Variants in PGAP4 observed in about 807,000 individuals in gnomAD.
PGAP4 encodes post-GPI attachment to proteins GalNAc transferase 4, also known as GPI-N-acetylgalactosamine transferase PGAP4.
Under a neutral mutation model 28.2 loss-of-function variants are expected in PGAP4, and 12 were observed. The ratio of observed to expected loss-of-function variants is 0.42; its 90% CI spans 0.27 to 0.69. The LOEUF (loss-of-function observed/expected upper bound fraction) is 0.69, where lower values mean the gene tolerates loss of function less well. PGAP4 is among the 30% of genes least tolerant of loss of function. The pLI, the probability that PGAP4 is intolerant of heterozygous loss-of-function variation, is 0.22. For missense variants in PGAP4, 425 were observed against 513.5 expected, an observed-to-expected ratio of 0.83 and a Z score of 1.67; for synonymous variants, 205 against 211.8, an observed-to-expected ratio of 0.97 and a Z score of 0.28.
At chr9:101,491,631 T>C (rs369712018), upstream of PGAP4, among the ~76,000 whole-genome samples, 1 of 151,872 alleles carries the variant, frequency 6.6e-6, no homozygotes, top group African/African-American at 2.4e-5. Flanking sequence ...TCTTTATGCA[T>C]GTTATTCAGA....
chr9:101,504,768 G>A (rs1014483379), intron 2 of PGAP4, among the ~76,000 whole-genome samples: 2 of 152,020 alleles, frequency 1.3e-5, no homozygotes, highest in African/African-American at 2.4e-5. Context: ...CAGAAATTTG[G>A]GTTTCCTTCC....
chr9:101,526,680 G>C (rs540919019), intron 2 of PGAP4, among the ~76,000 whole-genome samples: 14 of 152,174 alleles, frequency 9.2e-5, no homozygotes, highest in African/African-American at 3.4e-4. Flanking sequence ...AACTCCTGAC[G>C]TCAGGTGATC....
At chr9:101,495,705 T>G (rs554724063) in intron 2 of PGAP4, among the ~76,000 whole-genome samples, 13 of 150,414 alleles carry the variant, frequency 8.6e-5, no homozygotes, top group African/African-American at 3.1e-4. Flanking sequence ...AAAGGGTTAT[T>G]TTTTTTACAT....
exon 1 of PGAP4, chr9:101,533,364 G>A (rs1827127933): frequency 6.6e-6 from 1 of 152,184 alleles, no homozygotes; most frequent in South Asian, 2.1e-4. Flanking sequence ...CCCTGTGCGG[G>A]GGAAAAAATC....
chr9:101,512,273 C>T (rs145108801), intron 2 of PGAP4, among the ~76,000 whole-genome samples: 4 of 152,208 alleles, frequency 2.6e-5, no homozygotes, highest in East Asian at 1.9e-4. Flanking sequence ...CCGCCCTGCC[C>T]GTCCCAAAGG....
At chr9:101,495,484 G>T (rs1336139946) in intron 2 of PGAP4, among the ~76,000 whole-genome samples, 49 of 78,904 alleles carry the variant, frequency 6.2e-4, no homozygotes, top group African/African-American at 2.4e-3. Context: ...AATATATATA[G>T]GCTTTCTGTG....
intron 2 of PGAP4, among the ~76,000 whole-genome samples, chr9:101,498,939 A>G (rs1036475289): frequency 3.9e-5 from 6 of 152,124 alleles, no homozygotes; most frequent in African/African-American, 1.4e-4. Flanking sequence ...GTCAAACGTA[A>G]TCAAAAGAAA....
At chr9:101,479,142 C>T (rs1466181270) in intron 1 of PGAP4, among the ~76,000 whole-genome samples, 3 of 152,208 alleles carry the variant, frequency 2.0e-5, no homozygotes, top group African/African-American at 4.8e-5. Context: ...GAACATCCAG[C>T]ATATTGCAGA....
chr9:101,482,491 T>C (rs1826517104), intron 1 of PGAP4, among the ~76,000 whole-genome samples: 1 of 152,210 alleles, frequency 6.6e-6, no homozygotes, highest in South Asian at 2.1e-4. Context: ...TAGGACACTG[T>C]GCAAATGATG....
At chr9:101,510,711 G>A (rs1310273723) in intron 2 of PGAP4, among the ~76,000 whole-genome samples, 1 of 152,072 alleles carries the variant, frequency 6.6e-6, no homozygotes, top group African/African-American at 2.4e-5. Context: ...GTTAGCATGT[G>A]GGCTTACCAA....
intron 2 of PGAP4, among the ~76,000 whole-genome samples, chr9:101,508,938 G>T (rs896431589): frequency 6.6e-6 from 1 of 152,130 alleles, no homozygotes; most frequent in Non-Finnish European, 1.5e-5. Context: ...AAGGTAGGAT[G>T]TTAGAAATGG....
At chr9:101,494,795 T>C (rs1166478328) in intron 2 of PGAP4, among the ~76,000 whole-genome samples, 1 of 150,336 alleles carries the variant, frequency 6.7e-6, no homozygotes, top group Non-Finnish European at 1.5e-5. Flanking sequence ...AAGTTTTCAG[T>C]TGACAAGGAA....
In PGAP4 at chr9:101,486,044, G is replaced by A. The variant is rs1293316144; in HGVS notation, c.-78+905C>T. Among the ~76,000 whole-genome samples, 1 of 152,194 alleles carries A rather than the reference G, an allele frequency of 6.6e-6. No individual in the cohort carries two copies. The highest frequency in any genetic ancestry group is 1.5e-5 in the Non-Finnish European group (1 of 68,032). On this transcript the variant is annotated intron_variant, in intron 1 of 1. Transcript: ENST00000374848. This position sits in a 1 kb window ranked among gnomAD's most constrained non-coding sequence, Gnocchi z 4.7. ...TGGAGCCGCCCTGCGGTCCCCCGGAGAGAGCCTGGGCCGAGCAGAGGATGC... is the reference window on the plus strand; with the variant it reads ...TGGAGCCGCCCTGCGGTCCCCCGGAAAGAGCCTGGGCCGAGCAGAGGATGC...
At chr9:101,510,242 A>G (rs1826884581) in intron 2 of PGAP4, among the ~76,000 whole-genome samples, 1 of 152,190 alleles carries the variant, frequency 6.6e-6, no homozygotes, top group Non-Finnish European at 1.5e-5. Context: ...TGTCCTTAGC[A>G]ACAGGCAGGA....
intron 2 of PGAP4, among the ~76,000 whole-genome samples, chr9:101,529,829 T>C (rs1471137554): frequency 6.6e-6 from 1 of 152,194 alleles, no homozygotes; most frequent in Non-Finnish European, 1.5e-5. Flanking sequence ...AGAGCAGTGT[T>C]CCTTAAATGT....
rs1826348088 is a variant in PGAP4 at position 101,477,149 on chromosome 9, C to G, written c.-57G>C. On this transcript the variant is annotated 5_prime_UTR_variant, in exon 2 of 2. Transcript: ENST00000374848. ...GAAAAAACCATCCTGGAACTCAGGC[C>G]AGAGTCATCAGAAATCAAACCTAAA... The G allele has an allele frequency of 1.2e-5, 18 of 1,493,214 alleles. No individual in the cohort carries two copies. The highest frequency in any genetic ancestry group is 8.9e-6 in the Non-Finnish European group (10 of 1,123,618). 92.5% of individuals were successfully genotyped at this position (1,493,214 alleles called of 1,614,324 possible). A position where few individuals can be genotyped will look rare whatever the true frequency, so the allele number is the denominator to read the frequency against.
intron 2 of PGAP4, among the ~76,000 whole-genome samples, chr9:101,523,309 T>G (rs1827004408): frequency 6.6e-6 from 1 of 152,146 alleles, no homozygotes; most frequent in South Asian, 2.1e-4. Flanking sequence ...TTCCAAGCTT[T>G]TAGAATTCTC....
intron 2 of PGAP4, among the ~76,000 whole-genome samples, chr9:101,494,588 T>C (rs1279969670): frequency 2.6e-5 from 4 of 151,900 alleles, no homozygotes; most frequent in Admixed American, 2.6e-4. Context: ...ATTAGTTTTG[T>C]ATTAGAGTTA....
intron 2 of PGAP4, among the ~76,000 whole-genome samples, chr9:101,509,368 C>A (rs186961507): frequency 6.6e-6 from 1 of 152,218 alleles, no homozygotes; most frequent in African/African-American, 2.4e-5. Context: ...AGCTGTTGTT[C>A]TCCCCCAAAG....
Sources: allele counts gnomAD v4.1 joint callset (sites outside exome capture counted in the v4.1 genomes callset), GRCh38; gene constraint gnomAD v4.1.1; non-coding constraint Gnocchi (gnomAD v3.1); transcripts MANE v1.5; gene names NCBI Gene and HGNC (gene_info 2026-07-23, HGNC 2026-07-21).